Variants in TMEM123 observed in about 807,000 individuals in gnomAD.
The protein encoded by TMEM123 is porimin.
Under a neutral mutation model 19.7 loss-of-function variants are expected in TMEM123, and 16 were observed. The ratio of observed to expected loss-of-function variants is 0.81; its 90% CI spans 0.55 to 1.23. The LOEUF (loss-of-function observed/expected upper bound fraction) is 1.23, where lower values mean the gene tolerates loss of function less well. Among genes scored for constraint, TMEM123 ranks in the 50% most tolerant of loss-of-function variants. TMEM123 has a pLI of 0.00. For missense variants in TMEM123, 313 were observed against 257.8 expected (o/e 1.21, Z -1.47); for synonymous variants, 118 against 99.4 (o/e 1.19, Z -1.12).
At position 102,431,216 on chromosome 11, in the gene TMEM123, T is replaced by A. The variant is rs1565353367; in HGVS notation, c.157+17596A>T. On this transcript the variant is annotated intron_variant, in intron 2 of 4. Transcript: ENST00000398136. ...GTGTACAACATGATATTTTGATATA[T>A]GTACACAATGTGGAATCGCTAAATA... 2.6e-5 allele frequency among the ~76,000 whole-genome samples: 4 copies of A among 152,230 alleles called. No homozygotes were observed. In the South Asian group the frequency reaches 8.3e-4, roughly 31 times the overall value.
rs1167174586 is a variant in TMEM123 at position 102,425,583 on chromosome 11, CTTTTTTT to C, written c.157+23222_157+23228del. ...GATTGTTTTTTTTTTTTTCTTTTTT[CTTTTTTT>C]TTTTTTTTTTGAGGCAAGGTCTCAC... On this transcript the variant is annotated intron_variant, in intron 2 of 4. Transcript: ENST00000398136. Among the ~76,000 whole-genome samples the C allele has an allele frequency of 4.4e-4, 48 of 107,934 alleles. No individual in the cohort carries two copies. The East Asian group carries it at 4.7e-3, about 11-fold the overall frequency. The allele number at this position is 107,934 out of a possible 152,430, so 70.8% of individuals were successfully genotyped here. A position where few individuals can be genotyped will look rare whatever the true frequency, so the allele number is the denominator to read the frequency against.
At chr11:102,440,505 G>A (rs535348297) in intron 2 of TMEM123, among the ~76,000 whole-genome samples, 3 of 152,304 alleles carry the variant, frequency 2.0e-5, no homozygotes, top group Admixed American at 2.0e-4. Context: ...AATGCTGAGA[G>A]ATTTTGTCAC....
At chr11:102,452,314 G>A (rs1458480434) in intron 1 of TMEM123, 12 of 406,164 alleles carry the variant, frequency 3.0e-5, no homozygotes, top group Non-Finnish European at 4.8e-5. Flanking sequence ...GGAAGCACCA[G>A]GCAATTTCCT....
At chr11:102,452,220 G>A in intron 1 of TMEM123, 1 of 288,428 alleles carries the variant, frequency 3.5e-6, no homozygotes, top group Non-Finnish European at 6.4e-6. Context: ...TTCAGGGAAA[G>A]GCTGTAAAAA....
intron 1 of TMEM123, among the ~76,000 whole-genome samples, chr11:102,450,954 T>C (rs1027267812): frequency 9.2e-5 from 14 of 152,214 alleles, no homozygotes; most frequent in African/African-American, 3.4e-4. Flanking sequence ...TTTTGAGAAA[T>C]CTTCTATTGT....
chr11:102,405,646 CAATG>C (rs531559488), intron 2 of TMEM123, among the ~76,000 whole-genome samples: 6 of 152,204 alleles, frequency 3.9e-5, no homozygotes, highest in South Asian at 4.1e-4. Flanking sequence ...CAGAATAAAA[CAATG>C]AACACAATGC....
intron 2 of TMEM123, among the ~76,000 whole-genome samples, chr11:102,415,533 A>C (rs980409024): frequency 1.3e-5 from 2 of 152,260 alleles, no homozygotes; most frequent in Non-Finnish European, 2.9e-5. Context: ...AGTACCAGGA[A>C]GATCTCTTAA....
At chr11:102,451,240 T>G (rs1857935942) in intron 1 of TMEM123, 2 of 152,250 alleles carry the variant, frequency 1.3e-5, no homozygotes, top group Non-Finnish European at 2.9e-5. Context: ...CAGTAAGGCT[T>G]ATCTTCACAA....
chr11:102,452,363 A>G (rs2135869966), intron 1 of TMEM123, 161 bp downstream of exon 1: 1 of 518,282 alleles, frequency 1.9e-6, no homozygotes, highest in Non-Finnish European at 3.1e-6. Context: ...ACTGGTCCAA[A>G]CCTCAGTTTC....
At chr11:102,429,847 T>G (rs1952160707) in intron 2 of TMEM123, among the ~76,000 whole-genome samples, 1 of 152,222 alleles carries the variant, frequency 6.6e-6, no homozygotes, top group African/African-American at 2.4e-5. Context: ...GTGTCACTTT[T>G]ATTACCCTCT....
rs1177009147 is a variant in TMEM123, at chr11:102,402,200, A to G, written c.164T>C (p.Leu55Pro). The change falls in exon 3 of 5, where the codon CTC becomes CCC. Residue 55 changes from leucine (L) to proline (P), a missense_variant. Leu to Pro is a moderately conservative substitution (Grantham distance 98, BLOSUM62 -3). Coordinates refer to ENST00000398136, the MANE Select transcript of TMEM123 (RefSeq NM_052932.3). The part of the protein sequence containing the change: ...HNSSANSTET[L>P]QHVPSDHTNE... ...TGTATGGTCAGAAGGCACATGTTGG[A>G]GAGTCTCTGCAATAATATCAAGAAA... is the stretch of plus-strand genomic sequence containing the variant. The G allele has an allele frequency of 5.0e-6, 8 of 1,613,526 alleles. No homozygotes were observed. In the South Asian group the frequency reaches 7.7e-5, roughly 16 times the overall value.
Position 102,448,843 on chromosome 11 carries a change from C to T in TMEM123, c.126G>A (p.Gly42=). 2 of 1,613,688 alleles carry T rather than the reference C, an allele frequency of 1.2e-6. No homozygotes were observed. The highest frequency in any genetic ancestry group is 2.7e-5 in the African/African-American group (2 of 74,996). ...AGTTAGCACTGGAGTTGTGTGGAAG[C>T]CCAGAATTCTCTATGTTTGCAGATG... ...MAASANIENS[G]LPHNSSANST... is the part of the protein sequence containing the mutation. Residue 42 remains glycine (G), a synonymous_variant, in exon 2 of 5, where the codon GGG becomes GGA. Coordinates refer to ENST00000398136, the MANE Select transcript of TMEM123 (RefSeq NM_052932.3).
intron 2 of TMEM123, among the ~76,000 whole-genome samples, chr11:102,414,688 C>T (rs1347780592): frequency 6.6e-6 from 1 of 152,096 alleles, no homozygotes; most frequent in East Asian, 1.9e-4. Context: ...TAGAAGAGGT[C>T]CTTAAGAGAG....
rs964585335 is a variant in TMEM123, at chr11:102,399,042, A to C, written c.603-151T>G. On this transcript the variant is annotated intron_variant, in intron 4 of 4. Transcript: ENST00000398136. ...CTGTGTAAAGTTCCTTAAGTATCCA[A>C]TATACTGTAGTGGTTAAAGATCTGG... 9.0e-6 allele frequency: 6 copies of C among 670,338 alleles called. No individual in the cohort carries two copies. In the East Asian group the frequency reaches 1.7e-4, roughly 19 times the overall value. 41.5% of individuals were successfully genotyped at this position (670,338 alleles called of 1,614,324 possible).
At chr11:102,401,392 A>G (rs907751548) in intron 4 of TMEM123, 147 bp downstream of exon 4, 16 of 632,404 alleles carry the variant, frequency 2.5e-5, no homozygotes, top group Middle Eastern at 4.6e-4. Flanking sequence ...TAAACAATTT[A>G]CTTTGGGCCA....
intron 2 of TMEM123, among the ~76,000 whole-genome samples, chr11:102,418,095 A>T (rs1317557152): frequency 6.6e-6 from 1 of 152,032 alleles, no homozygotes; most frequent in Non-Finnish European, 1.5e-5. Context: ...ACCCTAGAAG[A>T]AAACCTAGGA....
chr11:102,399,642 A>T (rs1426293202), intron 4 of TMEM123, among the ~76,000 whole-genome samples: 2 of 152,218 alleles, frequency 1.3e-5, no homozygotes, highest in Admixed American at 6.5e-5. Context: ...TATGATAAAT[A>T]TATGCAACGT....
Position 102,401,614 on chromosome 11 carries a change from G to A in TMEM123, c.527C>T (p.Thr176Met), listed in dbSNP as rs762391522. ...GTAAAGAATAGATAAAACTCCCAGC[G>A]TTAATACAATACCACCAACAAAGCT... ...TGSFVGGIVL[T>M]LGVLSILYIG... Residue 176 changes from threonine to methionine, a missense_variant, in exon 4 of 5, where the codon ACG becomes ATG. Transcript: ENST00000398136. 6.8e-6 allele frequency: 11 copies of A among 1,607,760 alleles called. No individual in the cohort carries two copies. Among genetic ancestry groups the A allele is most frequent in the South Asian group, 1.1e-5 (1 of 89,264 alleles).
At chr11:102,435,674 T>G (rs1323589633) in intron 2 of TMEM123, among the ~76,000 whole-genome samples, 2 of 151,926 alleles carry the variant, frequency 1.3e-5, no homozygotes, top group Non-Finnish European at 2.9e-5. Flanking sequence ...TGGAACCAAC[T>G]CCAATGTCCA....
Sources: allele counts gnomAD v4.1 joint callset (sites outside exome capture counted in the v4.1 genomes callset), GRCh38; gene constraint gnomAD v4.1.1; transcripts MANE v1.5; gene names NCBI Gene and HGNC (gene_info 2026-07-23, HGNC 2026-07-21).